Variants in PECR observed in about 807,000 individuals in gnomAD.
PECR encodes the protein 2,4-dienoyl-CoA reductase-related protein.
Under a neutral mutation model 35.3 loss-of-function variants are expected in PECR, and 30 were observed. The observed-to-expected ratio is 0.85, with a 90% CI of 0.64 to 1.15. The LOEUF is 1.15. PECR is among the 50% of genes most tolerant of loss of function. The pLI, the probability that PECR is intolerant of heterozygous loss-of-function variation, is 0.00. For missense variants in PECR, 392 were observed against 370.8 expected (o/e 1.06, Z -0.47); for synonymous variants, 148 against 138.9 (o/e 1.07, Z -0.46).
At position 216,066,386 on chromosome 2, in the gene PECR, T is replaced by A. The variant is rs756879663; in HGVS notation, c.257A>T (p.Glu86Val). 3 of 1,611,632 alleles carry A rather than the reference T, an allele frequency of 1.9e-6. No individual in the cohort carries two copies. Among genetic ancestry groups the A allele is most frequent in the African/African-American group, 2.7e-5 (2 of 74,850 alleles). Residue 86 changes from glutamate to valine, a missense_variant and splice_region_variant, in exon 2 of 8, where the codon GAG becomes GTG. Glu to Val is a moderately radical substitution (Grantham distance 121). Transcript: ENST00000265322. ...ATGATACAGATATATCTCCATTACC[T>A]CCTCCTCATTCCGGATGTTGCATTG... ...PIQCNIRNEE[E>V]VNNLVKSTLD... is the part of the protein sequence containing the mutation.
At chr2:216,030,952 TCTCTCA>T (rs1234639348) in intron 7 of PECR, among the ~76,000 whole-genome samples, 26 of 107,016 alleles carry the variant, frequency 2.4e-4, no homozygotes, top group African/African-American at 9.2e-4. Flanking sequence ...TCTCTCTCTC[TCTCTCA>T]CACACACACA....
intron 5 of PECR, 92 bp downstream of exon 5, chr2:216,051,357 A>T: frequency 2.5e-6 from 2 of 810,304 alleles, no homozygotes; most frequent in Non-Finnish European, 4.4e-6. Flanking sequence ...TTTATGCTAT[A>T]CTTGCTTATT....
At position 216,038,907 on chromosome 2, in the gene PECR, G is replaced by A. The variant is rs1463072235; in HGVS notation, c.*368C>T. 1.3e-5 allele frequency: 3 copies of A among 236,036 alleles called. No homozygotes were observed. The highest frequency in any genetic ancestry group is 2.5e-5 in the Non-Finnish European group (3 of 119,222). 14.6% of individuals were successfully genotyped at this position (236,036 alleles called of 1,614,324 possible). A position where few individuals can be genotyped will look rare whatever the true frequency, so the allele number is the denominator to read the frequency against. On this transcript the variant is annotated 3_prime_UTR_variant, in exon 8 of 8. Transcript: ENST00000265322. Reference sequence around the variant, plus strand: ...CCCAAAGTGCTGGAATTACAGGCGTGAGCCACTGCGTCTGGCCTCTACCTT... The same window carrying A: ...CCCAAAGTGCTGGAATTACAGGCGTAAGCCACTGCGTCTGGCCTCTACCTT...
intron 1 of PECR, among the ~76,000 whole-genome samples, chr2:216,073,223 G>T (rs955430074): frequency 1.3e-5 from 2 of 152,138 alleles, no homozygotes; most frequent in African/African-American, 4.8e-5. Flanking sequence ...GTTTCCAGGA[G>T]GGCCCTCTTC....
At chr2:216,058,427 A>G (rs1215267998) in intron 4 of PECR, among the ~76,000 whole-genome samples, 2 of 152,280 alleles carry the variant, frequency 1.3e-5, no homozygotes, top group East Asian at 1.9e-4. Flanking sequence ...AAAACCTTAG[A>G]AACTTTTGGA....
At position 216,078,088 on chromosome 2, in the gene PECR, A is replaced by G. The variant is rs1051923932; in HGVS notation, c.124+3530T>C. On this transcript the variant is annotated intron_variant, in intron 1 of 7. Coordinates refer to ENST00000265322, the MANE Select transcript of PECR (RefSeq NM_018441.6). ...GCCTCAAAGTTCATGCCAAAAAGAC[A>G]TAGTTCACACCAAAAAACCAAAACC... is the stretch of plus-strand genomic sequence containing the variant. 3.8e-4 allele frequency among the ~76,000 whole-genome samples: 57 copies of G among 151,866 alleles called. 1 individual carries two copies.
At position 216,049,300 on chromosome 2, in the gene PECR, T is replaced by C. The variant is rs201636518; in HGVS notation, c.677A>G (p.Gln226Arg). ...WGQSFFEGSF[Q>R]KIPAKRIGVP... is the part of the protein sequence containing the mutation. ...ACCAATTCGTTTAGCGGGGATTTTC[T>C]GAAAAGACCCTTCAAAGAAGCTTTG... Residue 226 changes from glutamine to arginine, a missense_variant, in exon 6 of 8, where the codon CAG (glutamine) becomes CGG (arginine). Transcript: ENST00000265322. The C allele has an allele frequency of 4.4e-6, 7 of 1,600,964 alleles. No homozygotes were observed. The highest frequency in any genetic ancestry group is 2.2e-5 in the East Asian group (1 of 44,816).
intron 6 of PECR, among the ~76,000 whole-genome samples, chr2:216,048,345 G>A (rs1263638684): frequency 6.6e-6 from 1 of 150,518 alleles, no homozygotes; most frequent in African/African-American, 2.4e-5. Context: ...AAAGTGCTGG[G>A]ATTACAGGCA....
At chr2:216,069,272 G>A (rs1009880551) in intron 1 of PECR, among the ~76,000 whole-genome samples, 3 of 152,194 alleles carry the variant, frequency 2.0e-5, no homozygotes, top group African/African-American at 4.8e-5. Context: ...GTCTATCAGT[G>A]AATGCCCACT....
chr2:216,066,334 C>G, intron 2 of PECR, 51 bp downstream of exon 2: 2 of 1,523,386 alleles, frequency 1.3e-6, no homozygotes, highest in Non-Finnish European at 1.8e-6. Context: ...TTAAGAAACA[C>G]TACTGCAAAT....
At chr2:216,050,538 A>G (rs1162886161) in intron 5 of PECR, among the ~76,000 whole-genome samples, 1 of 152,228 alleles carries the variant, frequency 6.6e-6, no homozygotes, top group East Asian at 1.9e-4. Flanking sequence ...TACTAACTTC[A>G]TGCTTGAAGT....
rs200308805 is a variant in PECR at position 216,081,703 on chromosome 2, A to T, written c.39T>A (p.Pro13=). 3.9e-4 allele frequency: 635 copies of T among 1,613,576 alleles called. 2 individuals are homozygous for T. Among genetic ancestry groups the T allele is most frequent in the South Asian group, 4.5e-4 (41 of 91,082 alleles). The change falls in exon 1 of 8, where the codon CCT becomes CCA. Residue 13 remains proline, a synonymous_variant. Transcript: ENST00000265322. ...SWAKGRSYLA[P]GLLQGQVAIV... Reference sequence around the variant, plus strand: ...TGGCCACTTGGCCCTGCAGCAAACCAGGCGCCAGGTAGCTCCTGCCCTTAG... The same window carrying T: ...TGGCCACTTGGCCCTGCAGCAAACCTGGCGCCAGGTAGCTCCTGCCCTTAG...
chr2:216,035,790 GTTC>G (rs1373072953), downstream of PECR, among the ~76,000 whole-genome samples: 1 of 152,046 alleles, frequency 6.6e-6, no homozygotes, highest in Non-Finnish European at 1.5e-5. Context: ...CCCAGCCAAG[GTTC>G]TTCTTTGAGC....
intron 5 of PECR, among the ~76,000 whole-genome samples, chr2:216,049,978 G>A (rs373637622): frequency 5.3e-5 from 8 of 152,140 alleles, no homozygotes; most frequent in African/African-American, 1.7e-4. Context: ...AGCACTTTGC[G>A]AGGGTGAAGC....
Position 216,044,946 on chromosome 2 carries a change from T to C in PECR, c.715-931A>G, listed in dbSNP as rs576171952. On this transcript the variant is annotated intron_variant, in intron 6 of 7. Transcript: ENST00000265322. ...CTTACTGAGACTTCAGATTCCTAGA[T>C]CCTTCCAGGATCATTGCAATTGTAA... Among the ~76,000 whole-genome samples, 28 of 152,330 alleles carry C rather than the reference T, an allele frequency of 1.8e-4. 1 individual carries two copies. The East Asian group carries it at 5.4e-3, about 29-fold the overall frequency.
At chr2:216,038,200 T>C (rs2105940127), downstream of PECR, among the ~76,000 whole-genome samples, 1 of 152,314 alleles carries the variant, frequency 6.6e-6, no homozygotes, top group East Asian at 1.9e-4. Flanking sequence ...ATGAACATAT[T>C]CAATCTGCTA....
intron 1 of PECR, among the ~76,000 whole-genome samples, chr2:216,081,109 T>C (rs1464252879): frequency 6.6e-6 from 1 of 152,230 alleles, no homozygotes; most frequent in Non-Finnish European, 1.5e-5. Flanking sequence ...TGATTTATGT[T>C]CTCCTTTGTG....
intron 6 of PECR, among the ~76,000 whole-genome samples, chr2:216,047,911 G>GT (rs763151491): frequency 9.9e-5 from 15 of 150,900 alleles, no homozygotes; most frequent in Non-Finnish European, 1.6e-4. Context: ...AGAAAAAGGG[G>GT]TTTTTTTGTT....
chr2:216,043,653 T>C (rs906424579), intron 7 of PECR, among the ~76,000 whole-genome samples: 5 of 152,138 alleles, frequency 3.3e-5, no homozygotes, highest in African/African-American at 1.2e-4. Flanking sequence ...CTGAGAATAT[T>C]TTTCAGGGTT....
Sources: gnomAD v4.1 joint callset for allele counts (sites outside exome capture counted in the v4.1 genomes callset) on GRCh38, gnomAD v4.1.1 for gene constraint, MANE v1.5 for transcripts, NCBI Gene and HGNC (gene_info 2026-07-23, HGNC 2026-07-21) for gene names.